FAM107B: variants seen among roughly 807,000 people sequenced by gnomAD.
FAM107B encodes the protein family with sequence similarity 107 member B.
In FAM107B, 21 loss-of-function variants were observed where a neutral mutation model predicts 31.5. That is an observed-to-expected ratio of 0.67 (90% CI 0.47 to 0.96). FAM107B has a LOEUF of 0.96. Among genes scored for constraint, FAM107B ranks in the 40% least tolerant of loss-of-function variants. The pLI is 0.00. For missense variants in FAM107B, 452 were observed against 377.1 expected (o/e 1.20, Z -1.64); for synonymous variants, 157 against 141.5 (o/e 1.11, Z -0.78).
intron 2 of FAM107B, among the ~76,000 whole-genome samples, chr10:14,569,871 C>T (rs1230161983): frequency 6.6e-6 from 1 of 152,226 alleles, no homozygotes; most frequent in South Asian, 2.1e-4. Flanking sequence ...GTTTCAAGAA[C>T]CTTGGCCAGC....
Position 14,604,613 on chromosome 10 carries a change from G to A in FAM107B, c.469+63021C>T, listed in dbSNP as rs552457213. Among the ~76,000 whole-genome samples the A allele has an allele frequency of 9.2e-5, 14 of 151,984 alleles. No individual in the cohort carries two copies. The South Asian group carries it at 2.9e-3, about 32-fold the overall frequency. Reference sequence around the variant, plus strand: ...CAGCGCTCGGCCTCCGGGACTCGGTGGGAGCGAGGGCTGGAGGGAAAGCGC... The same window carrying A: ...CAGCGCTCGGCCTCCGGGACTCGGTAGGAGCGAGGGCTGGAGGGAAAGCGC... On this transcript the variant is annotated intron_variant, in intron 2 of 4. Transcript: ENST00000181796.
intron 1 of FAM107B, among the ~76,000 whole-genome samples, chr10:14,770,800 A>C (rs1833283360): frequency 6.6e-6 from 1 of 152,128 alleles, no homozygotes; most frequent in African/African-American, 2.4e-5. Context: ...TCACTAAACC[A>C]AACAAAAATG....
chr10:14,764,784 A>C (rs1833129369), intron 1 of FAM107B, among the ~76,000 whole-genome samples: 1 of 152,218 alleles, frequency 6.6e-6, no homozygotes, highest in Admixed American at 6.5e-5. Context: ...CAACATACCC[A>C]GTGAGTGGAA....
At chr10:14,562,411 T>C (rs1850321041) in intron 2 of FAM107B, among the ~76,000 whole-genome samples, 2 of 152,238 alleles carry the variant, frequency 1.3e-5, no homozygotes, top group Admixed American at 1.3e-4. Context: ...AAGTCAGTGA[T>C]AATGTCTTCA....
At chr10:14,597,767 T>G (rs888489114) in intron 2 of FAM107B, among the ~76,000 whole-genome samples, 2 of 152,178 alleles carry the variant, frequency 1.3e-5, no homozygotes, top group African/African-American at 2.4e-5. Flanking sequence ...CTGGCCAATA[T>G]GGTGAAACCC....
chr10:14,734,438 A>G (rs1015736268), intron 1 of FAM107B, among the ~76,000 whole-genome samples: 1 of 151,968 alleles, frequency 6.6e-6, no homozygotes, highest in Non-Finnish European at 1.5e-5. Context: ...TGAAGGTGGC[A>G]CAACACAAAT....
chr10:14,762,570 C>G (rs560153949), intron 1 of FAM107B, among the ~76,000 whole-genome samples: 55 of 152,254 alleles, frequency 3.6e-4, no homozygotes, highest in African/African-American at 1.3e-3. Flanking sequence ...GCCTGGCCAA[C>G]ATGGTGAAAC....
At chr10:14,725,142 G>C (rs988917692) in intron 1 of FAM107B, among the ~76,000 whole-genome samples, 5 of 152,156 alleles carry the variant, frequency 3.3e-5, no homozygotes, top group African/African-American at 9.7e-5. Context: ...AAGGCTGCAG[G>C]AAAAGCTGAG....
chr10:14,708,400 C>T (rs1855568258), intron 1 of FAM107B, among the ~76,000 whole-genome samples: 1 of 152,020 alleles, frequency 6.6e-6, no homozygotes. Flanking sequence ...AGGACTGAAC[C>T]CCAGATCACC....
At chr10:14,559,461 T>C (rs1850037736) in intron 2 of FAM107B, among the ~76,000 whole-genome samples, 1 of 145,644 alleles carries the variant, frequency 6.9e-6, no homozygotes, top group Non-Finnish European at 1.5e-5. Flanking sequence ...ATCCCCCGGT[T>C]CTCTTACAAA....
At chr10:14,607,238 CA>C (rs1183669867) in intron 2 of FAM107B, among the ~76,000 whole-genome samples, 5 of 152,094 alleles carry the variant, frequency 3.3e-5, no homozygotes, top group African/African-American at 1.2e-4. Context: ...TCTTTTAAAC[CA>C]AAAACAAATA....
At chr10:14,610,017 G>GA (rs1406676949) in intron 2 of FAM107B, among the ~76,000 whole-genome samples, 1 of 152,186 alleles carries the variant, frequency 6.6e-6, no homozygotes, top group Non-Finnish European at 1.5e-5. Flanking sequence ...CCTGAATACT[G>GA]AAAACAATAG....
intron 1 of FAM107B, among the ~76,000 whole-genome samples, chr10:14,752,714 T>A (rs571721736): frequency 1.3e-5 from 2 of 152,236 alleles, no homozygotes; most frequent in Admixed American, 6.5e-5. Context: ...GGTGGCTTGC[T>A]GAGCCACAGG....
At chr10:14,730,113 G>A (rs1856138726) in intron 1 of FAM107B, among the ~76,000 whole-genome samples, 1 of 152,046 alleles carries the variant, frequency 6.6e-6, no homozygotes, top group Admixed American at 6.5e-5. Flanking sequence ...CTAGATGATG[G>A]GTTGATAGGT....
intron 1 of FAM107B, among the ~76,000 whole-genome samples, chr10:14,679,098 C>T (rs984352791): frequency 5.3e-5 from 8 of 152,022 alleles, no homozygotes; most frequent in Admixed American, 2.6e-4. Flanking sequence ...CTGTGTGAGC[C>T]TCAGTTTCAT....
At chr10:14,579,333 T>A (rs1377140187) in intron 2 of FAM107B, among the ~76,000 whole-genome samples, 4 of 152,230 alleles carry the variant, frequency 2.6e-5, no homozygotes, top group Non-Finnish European at 2.9e-5. Context: ...TAAACTCTTT[T>A]GGAAACAGCA....
At chr10:14,654,742 A>G (rs1193558247) in intron 2 of FAM107B, among the ~76,000 whole-genome samples, 1 of 152,206 alleles carries the variant, frequency 6.6e-6, no homozygotes, top group Non-Finnish European at 1.5e-5. Context: ...ATACACCAGT[A>G]ACTAAGTAGA....
chr10:14,661,568 A>G (rs553839470), intron 2 of FAM107B: 6 of 152,230 alleles, frequency 3.9e-5, no homozygotes, highest in African/African-American at 1.4e-4. Flanking sequence ...AGGCCTTTGG[A>G]CTTGGACTAG....
chr10:14,566,429 A>G (rs1281950791), intron 2 of FAM107B, among the ~76,000 whole-genome samples: 1 of 152,152 alleles, frequency 6.6e-6, no homozygotes, highest in Non-Finnish European at 1.5e-5. Flanking sequence ...CAGGCGACCC[A>G]CGTCCCACAA....
Sources: gnomAD v4.1 joint callset for allele counts (sites outside exome capture counted in the v4.1 genomes callset) on GRCh38, gnomAD v4.1.1 for gene constraint, MANE v1.5 for transcripts, NCBI Gene and HGNC (gene_info 2026-07-23, HGNC 2026-07-21) for gene names.